ROR1: variants seen among roughly 807,000 people sequenced by gnomAD.
ROR1 encodes the protein ROR family WNT receptor 1.
Under a neutral mutation model 78.8 loss-of-function variants are expected in ROR1, and 19 were observed. That is an observed-to-expected ratio of 0.24 (90% CI 0.17 to 0.35). The LOEUF (loss-of-function observed/expected upper bound fraction) is 0.35, where lower values mean the gene tolerates loss of function less well. Among genes scored for constraint, ROR1 ranks in the 10% least tolerant of loss-of-function variants. The pLI is 1.00. For synonymous variants in ROR1, 386 were observed against 433.6 expected (o/e 0.89, Z 1.36); for missense variants, 917 against 1,177.8 (o/e 0.78, Z 3.24).
intron 1 of ROR1, among the ~76,000 whole-genome samples, chr1:63,927,634 C>G (rs1441818066): frequency 6.6e-6 from 1 of 151,442 alleles, no homozygotes; most frequent in Admixed American, 6.6e-5. Flanking sequence ...TCATTTTAGA[C>G]GAGGAACCTG....
At chr1:64,010,175 A>C (rs1322419355) in intron 2 of ROR1, among the ~76,000 whole-genome samples, 1 of 152,074 alleles carries the variant, frequency 6.6e-6, no homozygotes, top group African/African-American at 2.4e-5. Flanking sequence ...CCTCAAGACC[A>C]AGCATAAAAT....
At chr1:63,947,611 G>A (rs1362336394) in intron 1 of ROR1, among the ~76,000 whole-genome samples, 5 of 152,182 alleles carry the variant, frequency 3.3e-5, no homozygotes, top group South Asian at 2.1e-4. Flanking sequence ...TTACTGTGAA[G>A]GAGGTGGGGT....
At chr1:64,048,793 C>G (rs907422201) in intron 2 of ROR1, among the ~76,000 whole-genome samples, 11 of 151,848 alleles carry the variant, frequency 7.2e-5, no homozygotes, top group Non-Finnish European at 1.5e-4. Flanking sequence ...AGCATGATTC[C>G]ATTTATATGA....
chr1:64,057,359 T>C (rs1646883480), intron 4 of ROR1, among the ~76,000 whole-genome samples: 1 of 152,256 alleles, frequency 6.6e-6, no homozygotes, highest in Non-Finnish European at 1.5e-5. Context: ...TTGATTACTA[T>C]AGGTTTGTAG....
chr1:64,162,390 C>G (rs528552930), intron 8 of ROR1, among the ~76,000 whole-genome samples: 8 of 152,152 alleles, frequency 5.3e-5, no homozygotes, highest in Non-Finnish European at 1.0e-4. Context: ...GACTGGCTGA[C>G]GAGGCCCGGC....
intron 7 of ROR1, among the ~76,000 whole-genome samples, chr1:64,153,136 A>G (rs1257793159): frequency 6.6e-6 from 1 of 152,210 alleles, no homozygotes; most frequent in Non-Finnish European, 1.5e-5. Flanking sequence ...ATTCCTCCAA[A>G]GAAGATATAC....
chr1:63,996,462 A>G (rs1414208605), intron 1 of ROR1, among the ~76,000 whole-genome samples: 1 of 152,082 alleles, frequency 6.6e-6, no homozygotes, highest in Non-Finnish European at 1.5e-5. Context: ...TGAATTAAGT[A>G]TTTGAACATT....
intron 1 of ROR1, among the ~76,000 whole-genome samples, chr1:63,889,934 T>C (rs75957639): frequency 3.0e-3 from 463 of 152,276 alleles, no homozygotes; most frequent in African/African-American, 8.3e-3. Context: ...GAAAGTCTAG[T>C]TATGTTTAAG....
At chr1:63,963,812 G>A (rs1364875385) in intron 1 of ROR1, among the ~76,000 whole-genome samples, 5 of 152,006 alleles carry the variant, frequency 3.3e-5, no homozygotes, top group Non-Finnish European at 4.4e-5. Flanking sequence ...GCCCCTCCCC[G>A]CTGCTCTCCT....
chr1:63,920,305 A>T (rs1336341215), intron 1 of ROR1, among the ~76,000 whole-genome samples: 1 of 152,212 alleles, frequency 6.6e-6, no homozygotes, highest in Non-Finnish European at 1.5e-5. Flanking sequence ...AGCACTGGTG[A>T]TGGGAGGAGG....
chr1:64,107,546 T>C (rs1647874049), intron 4 of ROR1, among the ~76,000 whole-genome samples: 1 of 152,084 alleles, frequency 6.6e-6, no homozygotes, highest in African/African-American at 2.4e-5. Flanking sequence ...TGTTTTTTTC[T>C]TTCTTTTCAC....
At chr1:63,833,349 C>G (rs1339013024) in intron 1 of ROR1, among the ~76,000 whole-genome samples, 1 of 152,200 alleles carries the variant, frequency 6.6e-6, no homozygotes, top group East Asian at 1.9e-4. Context: ...GTGTGCTGGT[C>G]AGACCACCCT....
chr1:63,821,570 A>G lies in ROR1; in HGVS notation c.91+47062A>G, dbSNP rs567055939. 8.5e-5 allele frequency among the ~76,000 whole-genome samples: 13 copies of G among 152,336 alleles called. No individual in the cohort carries two copies. The South Asian group carries it at 2.3e-3, about 27-fold the overall frequency. On this transcript the variant is annotated intron_variant, in intron 1 of 8. Transcript: ENST00000371079. Reference sequence around the variant, plus strand: ...ACTTTATGAACAACTTTGGCCCAAAAGGAGAAAAATCTGTCTTCTGAAATT... The same window carrying G: ...ACTTTATGAACAACTTTGGCCCAAAGGGAGAAAAATCTGTCTTCTGAAATT...
chr1:64,156,642 C>T lies in ROR1; in HGVS notation c.1175-2339C>T, dbSNP rs372962622. 3.9e-4 allele frequency among the ~76,000 whole-genome samples: 55 copies of T among 141,716 alleles called. 3 individuals carry two copies. The South Asian group carries it at 5.1e-3, about 13-fold the overall frequency. The allele number at this position is 141,716 out of a possible 152,430, so 93.0% of individuals were successfully genotyped here. Reference sequence around the variant, plus strand: ...GAATCGCTTGAACCCGGGAGGCGGACGTTGCAGTGAGCCGAGATCGCACCA... The same window carrying T: ...GAATCGCTTGAACCCGGGAGGCGGATGTTGCAGTGAGCCGAGATCGCACCA... On this transcript the variant is annotated intron_variant, in intron 7 of 8. Transcript: ENST00000371079.
At chr1:64,063,721 A>G (rs1646934858) in intron 4 of ROR1, among the ~76,000 whole-genome samples, 2 of 151,954 alleles carry the variant, frequency 1.3e-5, no homozygotes, top group Admixed American at 1.3e-4. Context: ...CTCATTATCT[A>G]GGGCAGTGCT....
intron 1 of ROR1, among the ~76,000 whole-genome samples, chr1:63,915,168 T>C (rs1291690484): frequency 1.1e-4 from 16 of 152,192 alleles, no homozygotes; most frequent in Admixed American, 9.8e-4. Context: ...TCACATTAAA[T>C]AGTAAGTGGC....
At chr1:63,790,484 T>G (rs1194306922) in intron 1 of ROR1, among the ~76,000 whole-genome samples, 1 of 152,242 alleles carries the variant, frequency 6.6e-6, no homozygotes, top group African/African-American at 2.4e-5. Flanking sequence ...GCTCCAGAGC[T>G]GGGCTGTTTT....
At chr1:63,965,764 C>T (rs1646069641) in intron 1 of ROR1, among the ~76,000 whole-genome samples, 1 of 152,280 alleles carries the variant, frequency 6.6e-6, no homozygotes, top group Non-Finnish European at 1.5e-5. Flanking sequence ...AGAGGATAGC[C>T]CTTTTTTGGA....
At chr1:64,138,148 G>C (rs906611330) in intron 5 of ROR1, among the ~76,000 whole-genome samples, 1 of 152,170 alleles carries the variant, frequency 6.6e-6, no homozygotes, top group East Asian at 1.9e-4. Context: ...GATTTTGCAC[G>C]CATCGTTCTG....
Sources: gnomAD v4.1 joint callset for allele counts (sites outside exome capture counted in the v4.1 genomes callset) on GRCh38, gnomAD v4.1.1 for gene constraint, MANE v1.5 for transcripts, NCBI Gene and HGNC (gene_info 2026-07-23, HGNC 2026-07-21) for gene names.